The following CABIN1 variants were observed in gnomAD, a reference collection of about 807,000 sequenced individuals.
CABIN1 encodes calcineurin-binding protein cabin-1.
Under a neutral mutation model 227.7 loss-of-function variants are expected in CABIN1, and 133 were observed. That is an observed-to-expected ratio of 0.58 (90% CI 0.51 to 0.67). The LOEUF is 0.67. Ranked by LOEUF, CABIN1 falls within the 30% of genes least tolerant of loss-of-function variation. The probability of loss-of-function intolerance (pLI) is 0.00; values close to 1 mark genes in which losing one functional copy is unlikely to be tolerated. For synonymous variants in CABIN1, 1,086 were observed against 1,155.1 expected, an observed-to-expected ratio of 0.94 and a Z score of 1.21; for missense variants, 2,408 against 2,852.5, an observed-to-expected ratio of 0.84 and a Z score of 3.55.
chr22:24,060,121 T>C lies in CABIN1; in HGVS notation c.1597T>C (p.Cys533Arg), dbSNP rs1283425529. The C allele has an allele frequency of 1.9e-6, 3 of 1,613,624 alleles. No homozygotes were observed. The highest frequency in any genetic ancestry group is 1.3e-5 in the African/African-American group (1 of 74,898). ...CCTGCCCAACCCGCTGCTGAGGGAC[T>C]GCAGCAACAAGCACATCAAGGTTAG... ...TSLPNPLLRD[C>R]SNKHIKDMML... The change falls in exon 12 of 37, where the codon TGC (cysteine) becomes CGC (arginine). Residue 533 changes from cysteine (C) to arginine (R), a missense_variant. Transcript: ENST00000263119.
At chr22:24,158,650 C>G (rs528650960) in intron 29 of CABIN1, among the ~76,000 whole-genome samples, 1 of 152,022 alleles carries the variant, frequency 6.6e-6, no homozygotes, top group South Asian at 2.1e-4. Flanking sequence ...TCTGCTTGGC[C>G]GACGCTTCTT....
chr22:24,165,494 C>G, intron 30 of CABIN1, 36 bp from the exon 31 acceptor site: 1 of 1,577,464 alleles, frequency 6.3e-7, no homozygotes, highest in Non-Finnish European at 8.7e-7. Context: ...GTCAGATGCC[C>G]TCCTGTCCTC....
At chr22:24,127,210 C>T (rs76376425) in intron 28 of CABIN1, among the ~76,000 whole-genome samples, 8,786 of 152,132 alleles carry the variant, frequency 0.058, 305 homozygotes, top group South Asian at 0.11. Flanking sequence ...GAGCAACTTA[C>T]ACAGGCCCAG....
intron 5 of CABIN1, among the ~76,000 whole-genome samples, chr22:24,042,699 A>T (rs1282158382): frequency 6.6e-6 from 1 of 152,162 alleles, no homozygotes; most frequent in African/African-American, 2.4e-5. Context: ...ATGAGCTGGC[A>T]TTACTTGTCA....
intron 29 of CABIN1, among the ~76,000 whole-genome samples, chr22:24,152,894 G>C (rs987983886): frequency 3.3e-5 from 5 of 151,694 alleles, no homozygotes; most frequent in Admixed American, 6.6e-5. Flanking sequence ...AGGTTGCAGT[G>C]AGCCAAGATT....
chr22:24,127,628 A>G (rs1240286783), intron 28 of CABIN1, among the ~76,000 whole-genome samples: 1 of 152,178 alleles, frequency 6.6e-6, no homozygotes, highest in Non-Finnish European at 1.5e-5. Flanking sequence ...TATGACGAGT[A>G]GCAGCCTGGC....
chr22:24,081,698 A>G (rs1297959381), intron 19 of CABIN1, among the ~76,000 whole-genome samples: 6 of 148,892 alleles, frequency 4.0e-5, no homozygotes, highest in Non-Finnish European at 7.4e-5. Flanking sequence ...TTTAGTATTC[A>G]CTCTTTTTTT....
Position 24,135,640 on chromosome 22 carries a change from G to A in CABIN1, c.4746+1225G>A, listed in dbSNP as rs544202865. Among the ~76,000 whole-genome samples, 8 of 152,158 alleles carry A rather than the reference G, an allele frequency of 5.3e-5. 1 individual carries two copies. In the South Asian group the frequency reaches 1.0e-3, roughly 20 times the overall value. On this transcript the variant is annotated intron_variant, in intron 29 of 36. Coordinates refer to ENST00000263119, the MANE Select transcript of CABIN1 (RefSeq NM_012295.4). ...ACCTCCAAGTCCTTACCTATCCACC[G>A]CCCCTCCCAGCATGGCCAGCTCCCA...
chr22:24,168,509 C>A lies in CABIN1; in HGVS notation c.5745C>A (p.Ala1915=). 6.4e-7 allele frequency: 1 copy of A among 1,558,396 alleles called. No homozygotes were observed. The highest frequency in any genetic ancestry group is 1.9e-5 in the Admixed American group (1 of 52,394). The part of the protein sequence containing the change: ...VKFCQVHLGA[A]AQRQASGDTP... ...TCTGCCAGGTCCATCTTGGGGCTGC[C>A]GCCCAGAGACAGGTAAGCCCAATTT... Residue 1915 remains alanine (A), a synonymous_variant, in exon 33 of 37, where the codon GCC becomes GCA. Coordinates refer to ENST00000263119, the MANE Select transcript of CABIN1 (RefSeq NM_012295.4).
At chr22:24,031,453 A>G (rs1021079936) in intron 1 of CABIN1, among the ~76,000 whole-genome samples, 14 of 152,196 alleles carry the variant, frequency 9.2e-5, no homozygotes, top group African/African-American at 3.4e-4. Context: ...CAACTCAGCC[A>G]CACTCTAAAA....
chr22:24,098,353 A>G, intron 26 of CABIN1, 161 bp downstream of exon 26: 2 of 1,438,592 alleles, frequency 1.4e-6, no homozygotes, highest in Non-Finnish European at 1.9e-6. Context: ...ATGGATTCAC[A>G]GTGATTCTTG....
At chr22:24,071,492 T>G (rs1489485572) in intron 17 of CABIN1, among the ~76,000 whole-genome samples, 2 of 152,162 alleles carry the variant, frequency 1.3e-5, no homozygotes, top group Non-Finnish European at 2.9e-5. Flanking sequence ...TGAAGCACTC[T>G]GGGCTCTCTC....
At chr22:24,038,266 T>C (rs1470673098) in intron 3 of CABIN1, 82 bp from the exon 4 acceptor site, 5 of 1,077,982 alleles carry the variant, frequency 4.6e-6, no homozygotes, top group East Asian at 2.4e-5. Context: ...CCTCTGACTG[T>C]AGCCCCGCCT....
At chr22:24,155,387 A>G (rs931726264) in intron 29 of CABIN1, among the ~76,000 whole-genome samples, 5 of 151,978 alleles carry the variant, frequency 3.3e-5, no homozygotes, top group African/African-American at 1.2e-4. Flanking sequence ...TTCTTGGAAT[A>G]CTGAAACTGG....
chr22:24,044,401 T>C (rs2037679139), intron 6 of CABIN1, among the ~76,000 whole-genome samples: 1 of 152,212 alleles, frequency 6.6e-6, no homozygotes, highest in African/African-American at 2.4e-5. Flanking sequence ...GCTTCTGAGA[T>C]ACCTGATTAA....
intron 17 of CABIN1, 107 bp from the exon 18 acceptor site, chr22:24,072,247 C>A: frequency 8.8e-7 from 1 of 1,134,008 alleles, no homozygotes; most frequent in Non-Finnish European, 1.3e-6. Context: ...TGGGGGTGGG[C>A]AGGCAGCACA....
chr22:24,077,105 T>C (rs1243162793), intron 19 of CABIN1, among the ~76,000 whole-genome samples: 1 of 152,164 alleles, frequency 6.6e-6, no homozygotes, highest in African/African-American at 2.4e-5. Flanking sequence ...AAGAAAACGT[T>C]TGCCATCACC....
At position 24,171,941 on chromosome 22, in the gene CABIN1, C is replaced by A. The variant is rs1466774408; in HGVS notation, c.5986C>A (p.Pro1996Thr). The A allele has an allele frequency of 1.2e-6, 2 of 1,613,762 alleles. No individual in the cohort carries two copies. Among genetic ancestry groups the A allele is most frequent in the Admixed American group, 3.3e-5 (2 of 60,032 alleles). Reference sequence around the variant, plus strand: ...CCTGGACCAGTCCAAGGACCCTGGGCCTCCCCGGCCACACAGGCCTGAAGC... The same window carrying A: ...CCTGGACCAGTCCAAGGACCCTGGGACTCCCCGGCCACACAGGCCTGAAGC... ...STLDQSKDPG[P>T]PRPHRPEATP... Residue 1996 changes from proline (P) to threonine (T), a missense_variant, in exon 34 of 37, where the codon CCT (proline) becomes ACT (threonine). By Grantham distance (38) the Pro-to-Thr change is conservative (BLOSUM62 -1). Coordinates refer to ENST00000263119, the MANE Select transcript of CABIN1 (RefSeq NM_012295.4).
intron 28 of CABIN1, among the ~76,000 whole-genome samples, chr22:24,126,690 C>G (rs894465219): frequency 2.0e-5 from 3 of 152,132 alleles, no homozygotes; most frequent in Non-Finnish European, 4.4e-5. Context: ...GGGACATCAT[C>G]CTGAATTAGG....
Sources: allele counts gnomAD v4.1 joint callset (sites outside exome capture counted in the v4.1 genomes callset), GRCh38; gene constraint gnomAD v4.1.1; transcripts MANE v1.5; gene names NCBI Gene and HGNC (gene_info 2026-07-23, HGNC 2026-07-21).